FCN2: variants seen among roughly 807,000 people sequenced by gnomAD.
FCN2 encodes the protein ficolin 2.
A neutral mutation model predicts 32.5 loss-of-function variants in FCN2; 31 were observed. That is an observed-to-expected ratio of 0.96 (90% CI 0.72 to 1.29). The LOEUF is 1.29. FCN2 is among the 50% of genes most tolerant of loss of function. The probability of loss-of-function intolerance (pLI) is 0.00; values close to 1 mark genes in which losing one functional copy is unlikely to be tolerated. For synonymous variants in FCN2, 181 were observed against 164.5 expected (o/e 1.10, Z -0.77); for missense variants, 412 against 406.5 (o/e 1.01, Z -0.12).
upstream of FCN2, among the ~76,000 whole-genome samples, chr9:134,879,875 G>C (rs1830639563): frequency 6.6e-6 from 1 of 152,170 alleles, no homozygotes. Context: ...GGGAGGTGCA[G>C]TGCTGGTTCC....
At chr9:134,879,310 G>C (rs766220432), upstream of FCN2, among the ~76,000 whole-genome samples, 15 of 152,222 alleles carry the variant, frequency 9.9e-5, no homozygotes, top group South Asian at 1.5e-3. Flanking sequence ...TTAGATTTCT[G>C]AACACTAAAA....
At chr9:134,868,401 G>A in the FCN2 span, 4 of 195,280 alleles carry the variant, frequency 2.0e-5, no homozygotes, top group Non-Finnish European at 3.3e-5. The surrounding 1 kb of genome is among the most constrained non-coding windows in gnomAD (Gnocchi z 4.3). Flanking sequence ...CTTTACAAAC[G>A]GCATCAACTG....
In FCN2 at chr9:134,886,466, A is replaced by T. The variant is rs756000555; in HGVS notation, c.596A>T (p.Glu199Val). 29 of 1,612,220 alleles carry T rather than the reference A, an allele frequency of 1.8e-5. 1 individual carries two copies. The South Asian group carries it at 3.1e-4, about 17-fold the overall frequency. The change falls in exon 7 of 8, where the codon GAG (glutamate) becomes GTG (valine). Residue 199 changes from glutamate (E) to valine (V), a missense_variant. Physicochemically the swap from Glu to Val is moderately radical, Grantham distance 121. Transcript: ENST00000291744. ...CTCCGTGTAGACCTGGTGGACTTTG[A>T]GGACAACTACCAGTTTGCTAAGTAC... ...SELRVDLVDF[E>V]DNYQFAKYRS... is the part of the protein sequence containing the mutation.
intron 3 of FCN2, among the ~76,000 whole-genome samples, chr9:134,884,259 CT>C (rs1830710433): frequency 6.6e-6 from 1 of 152,148 alleles, no homozygotes; most frequent in Non-Finnish European, 1.5e-5. Context: ...ACTCACTCAC[CT>C]TTACCCACAG....
upstream of FCN2, among the ~76,000 whole-genome samples, chr9:134,877,299 C>A (rs2132991146): frequency 6.6e-6 from 1 of 152,334 alleles, no homozygotes; most frequent in African/African-American, 2.4e-5. Flanking sequence ...CCAAGGAGTG[C>A]TTTAGGAACA....
chr9:134,871,925 C>T, the FCN2 span, among the ~76,000 whole-genome samples: 8 of 152,096 alleles, frequency 5.3e-5, no homozygotes. Flanking sequence ...TTCCTCGTTG[C>T]AATCCCACCC....
intron 4 of FCN2, 69 bp downstream of exon 4, chr9:134,884,841 G>A (rs909103071): frequency 5.8e-6 from 8 of 1,390,064 alleles, no homozygotes; most frequent in African/African-American, 5.7e-5. Flanking sequence ...AGGGTCATAC[G>A]ACGCCATTGC....
chr9:134,885,755 G>A lies in FCN2; in HGVS notation c.430-13G>A. 1 of 1,614,010 alleles carries A rather than the reference G, an allele frequency of 6.2e-7. No individual in the cohort carries two copies. Among genetic ancestry groups the A allele is most frequent in the South Asian group, 1.1e-5 (1 of 91,086 alleles). Reference sequence around the variant, plus strand: ...CTGGCCCCCCCGGCTCCTGTCCCCTGGCTTCTCCACAGGTTTTCCAGCGGA... The same window carrying A: ...CTGGCCCCCCCGGCTCCTGTCCCCTAGCTTCTCCACAGGTTTTCCAGCGGA... On this transcript the variant is annotated splice_polypyrimidine_tract_variant and intron_variant, in intron 5 of 7. Coordinates refer to ENST00000291744, the MANE Select transcript of FCN2 (RefSeq NM_004108.3).
At chr9:134,883,667 G>T (rs1158541876) in intron 3 of FCN2, among the ~76,000 whole-genome samples, 3 of 149,834 alleles carry the variant, frequency 2.0e-5, no homozygotes, top group African/African-American at 7.4e-5. Context: ...GTCGGAGGAG[G>T]GGTTCTTGGT....
At chr9:134,869,511 G>A in the FCN2 span, among the ~76,000 whole-genome samples, 14 of 151,910 alleles carry the variant, frequency 9.2e-5, no homozygotes, top group Non-Finnish European at 1.9e-4. Flanking sequence ...TCTCTCTCCC[G>A]GAGAGGGCTC....
upstream of FCN2, chr9:134,880,724 G>C (rs1025557870): frequency 3.1e-6 from 3 of 953,182 alleles, no homozygotes; most frequent in Non-Finnish European, 5.0e-6. Context: ...GAGAGGAAGC[G>C]GCTGTCACTC....
chr9:134,865,523 CTTATT>C, the FCN2 span, among the ~76,000 whole-genome samples: 4 of 152,294 alleles, frequency 2.6e-5, no homozygotes, highest in East Asian at 7.7e-4. Flanking sequence ...CCAAACATGT[CTTATT>C]TTCTAGATTA....
upstream of FCN2, among the ~76,000 whole-genome samples, chr9:134,880,205 C>A (rs1830643385): frequency 6.6e-6 from 1 of 152,170 alleles, no homozygotes; most frequent in Non-Finnish European, 1.5e-5. Context: ...CTCTTCTCTC[C>A]TTTCCCTCCT....
At chr9:134,882,418 CT>C (rs1830676822) in intron 1 of FCN2, 107 bp from the exon 2 acceptor site, 1 of 935,264 alleles carries the variant, frequency 1.1e-6, no homozygotes. Flanking sequence ...CTGCCCAGTC[CT>C]GATGTCACCA....
intron 6 of FCN2, 31 bp from the exon 7 acceptor site, chr9:134,886,399 C>G: frequency 6.2e-7 from 1 of 1,613,926 alleles, no homozygotes; most frequent in Middle Eastern, 1.7e-4. Context: ...GAGAGCCCTT[C>G]CGCTGAGACC....
chr9:134,882,476 G>T (rs748668525), intron 1 of FCN2, 50 bp from the exon 2 acceptor site: 18 of 1,433,886 alleles, frequency 1.3e-5, no homozygotes, highest in Non-Finnish European at 1.7e-5. Flanking sequence ...TGGCTCAGTG[G>T]AGTCTTCAGG....
In FCN2 at chr9:134,884,737, C is replaced by T. The variant is rs766903462; in HGVS notation, c.269-3C>T. On this transcript the variant is annotated splice_polypyrimidine_tract_variant and splice_region_variant and intron_variant, in intron 3 of 7. Transcript: ENST00000291744. ...ACGTGTGTCCTCTCTCATCCATGAA[C>T]AGGAGCACCTGGGGAGCCCCAGCCG... 3 of 1,613,842 alleles carry T rather than the reference C, an allele frequency of 1.9e-6. No individual in the cohort carries two copies. The Admixed American group carries it at 5.0e-5, about 27-fold the overall frequency.
upstream of FCN2, chr9:134,880,746 A>T: frequency 8.6e-7 from 1 of 1,161,894 alleles, no homozygotes; most frequent in South Asian, 1.3e-5. Flanking sequence ...GAAGATGAGA[A>T]ATTGGAGTCT....
chr9:134,875,464 G>C, the FCN2 span, among the ~76,000 whole-genome samples: 1 of 152,114 alleles, frequency 6.6e-6, no homozygotes, highest in African/African-American at 2.4e-5. Flanking sequence ...TCTATGATTT[G>C]CTTCTAACCA....
Sources: gnomAD v4.1 joint callset for allele counts (sites outside exome capture counted in the v4.1 genomes callset) on GRCh38, gnomAD v4.1.1 for gene constraint, Gnocchi (gnomAD v3.1) non-coding constraint, MANE v1.5 for transcripts, NCBI Gene and HGNC (gene_info 2026-07-23, HGNC 2026-07-21) for gene names.